ZNF609: variants seen among roughly 807,000 people sequenced by gnomAD.
ZNF609 encodes zinc finger protein 609.
In ZNF609, 11 loss-of-function variants were observed where a neutral mutation model predicts 109.5. The observed-to-expected ratio is 0.10, with a 90% CI of 0.06 to 0.17. The LOEUF is 0.17. ZNF609 is among the 10% of genes least tolerant of loss of function. The probability of loss-of-function intolerance (pLI) is 1.00; values close to 1 mark genes in which losing one functional copy is unlikely to be tolerated. For missense variants in ZNF609, 1,559 were observed against 1,772.4 expected (o/e 0.88, Z 2.16); for synonymous variants, 646 against 662.0 (o/e 0.98, Z 0.37).
At chr15:64,590,500 G>C (rs896855056) in intron 2 of ZNF609, among the ~76,000 whole-genome samples, 3 of 152,024 alleles carry the variant, frequency 2.0e-5, no homozygotes, top group African/African-American at 4.8e-5. Context: ...TTTTGTGTTA[G>C]TAGAGTTGGG....
Position 64,674,340 on chromosome 15 carries a change from G to A in ZNF609, c.1486G>A (p.Asp496Asn), listed in dbSNP as rs776613450. The change falls in exon 5 of 10, where the codon GAC becomes AAC. Residue 496 changes from aspartate (D) to asparagine (N), a missense_variant. This residue lies in a region of ZNF609 where 1,204 missense variants were observed against 1,314.1 expected (regional missense o/e 0.92). Transcript: ENST00000326648. ...AAACTGCCCCTCCCCCGTCCTAATT[G>A]ACTGTCCCCACCCAAACTGCAACAA... Reference protein sequence around the residue: ...DRNCPSPVLIDCPHPNCNKKY... With the variant: ...DRNCPSPVLINCPHPNCNKKY... The A allele has an allele frequency of 3.1e-6, 5 of 1,613,866 alleles. No homozygotes were observed. The highest frequency in any genetic ancestry group is 4.2e-6 in the Non-Finnish European group (5 of 1,180,018).
chr15:64,482,254 C>CT (rs990842394), intron 1 of ZNF609, among the ~76,000 whole-genome samples: 13 of 152,086 alleles, frequency 8.5e-5, no homozygotes, highest in Non-Finnish European at 1.5e-4. Flanking sequence ...AGATGCTTAA[C>CT]TTTTTTTAAA....
intron 1 of ZNF609, among the ~76,000 whole-genome samples, chr15:64,463,371 C>T (rs1050268948): frequency 6.7e-6 from 1 of 150,242 alleles, no homozygotes; most frequent in African/African-American, 2.5e-5. Flanking sequence ...TGTACTCCAG[C>T]CTGGGTGATA....
In ZNF609 at chr15:64,500,390, T is replaced by C. The variant is rs1268871223; in HGVS notation, c.747+224T>C. 1.2e-5 allele frequency: 9 copies of C among 755,634 alleles called. No individual in the cohort carries two copies. The South Asian group carries it at 1.3e-4, about 11-fold the overall frequency. 46.8% of individuals were successfully genotyped at this position (755,634 alleles called of 1,614,324 possible). ...CCTGGACATTGTGGAACAGGATATT[T>C]GTTGTTGGGGGCAGCTACTTTGTAG... On this transcript the variant is annotated intron_variant, in intron 2 of 9. Transcript: ENST00000326648.
chr15:64,556,628 A>T (rs189422094), intron 2 of ZNF609, among the ~76,000 whole-genome samples: 3 of 152,306 alleles, frequency 2.0e-5, no homozygotes, highest in African/African-American at 7.2e-5. Flanking sequence ...CCTCCTAGCC[A>T]CTAAATACTT....
intron 3 of ZNF609, among the ~76,000 whole-genome samples, chr15:64,645,251 C>T (rs147456317): frequency 0.018 from 2,726 of 151,796 alleles, 32 homozygotes; most frequent in Non-Finnish European, 0.028. Flanking sequence ...CCACCATGCT[C>T]GGCTAATTTT....
chr15:64,614,234 C>CTT (rs749012449), intron 2 of ZNF609, among the ~76,000 whole-genome samples: 3 of 128,424 alleles, frequency 2.3e-5, no homozygotes, highest in African/African-American at 2.9e-5. Flanking sequence ...TTCTGTATTT[C>CTT]TTTTTTTTTT....
chr15:64,569,373 G>A (rs948696146), intron 2 of ZNF609, among the ~76,000 whole-genome samples: 2 of 152,178 alleles, frequency 1.3e-5, no homozygotes, highest in African/African-American at 4.8e-5. Context: ...GACACATAGA[G>A]GATGCCTAAT....
chr15:64,644,079 G>A (rs1269687414), intron 3 of ZNF609, among the ~76,000 whole-genome samples: 1 of 151,670 alleles, frequency 6.6e-6, no homozygotes, highest in East Asian at 1.9e-4. Context: ...ACTCTAACCT[G>A]GGCAACAGAG....
At chr15:64,621,282 A>G (rs1895871633) in intron 2 of ZNF609, among the ~76,000 whole-genome samples, 1 of 152,208 alleles carries the variant, frequency 6.6e-6, no homozygotes, top group Non-Finnish European at 1.5e-5. Flanking sequence ...ACTCGAGCAT[A>G]ATAGACTTTG....
chr15:64,529,846 T>G (rs1894032352), intron 2 of ZNF609, among the ~76,000 whole-genome samples: 1 of 152,222 alleles, frequency 6.6e-6, no homozygotes, highest in Admixed American at 6.5e-5. Context: ...TTCTCCTGCC[T>G]CAGCCTCCTG....
chr15:64,529,617 G>A (rs1004916816), intron 2 of ZNF609: 182 of 1,079,982 alleles, frequency 1.7e-4, no homozygotes, highest in Non-Finnish European at 2.2e-4. Context: ...CAGTCATGGT[G>A]CACCAGGCAC....
intron 2 of ZNF609, among the ~76,000 whole-genome samples, chr15:64,536,654 A>C (rs1595710643): frequency 6.6e-6 from 1 of 151,122 alleles, no homozygotes; most frequent in South Asian, 2.1e-4. Flanking sequence ...AGGCAGGAGG[A>C]TCACTAGAGC....
At chr15:64,464,192 C>T (rs1165008193) in intron 1 of ZNF609, among the ~76,000 whole-genome samples, 1 of 152,156 alleles carries the variant, frequency 6.6e-6, no homozygotes, top group African/African-American at 2.4e-5. Context: ...AACTAAATGA[C>T]TGGAACACGA....
intron 1 of ZNF609, among the ~76,000 whole-genome samples, chr15:64,494,432 A>G (rs540458196): frequency 1.3e-5 from 2 of 152,258 alleles, no homozygotes; most frequent in African/African-American, 2.4e-5. Flanking sequence ...CCTGAGTTAA[A>G]TATCTGTCTT....
At chr15:64,556,469 C>T (rs1387092562) in intron 2 of ZNF609, among the ~76,000 whole-genome samples, 1 of 150,168 alleles carries the variant, frequency 6.7e-6, no homozygotes, top group Non-Finnish European at 1.5e-5. Context: ...ATTCTAAATG[C>T]TTCATATATA....
At chr15:64,680,517 C>T (rs1344514620) in intron 7 of ZNF609, 129 bp from the exon 8 acceptor site, 5 of 1,277,418 alleles carry the variant, frequency 3.9e-6, no homozygotes, top group African/African-American at 3.0e-5. Flanking sequence ...TCTTAGGTAT[C>T]TTGCACTTTT....
intron 2 of ZNF609, among the ~76,000 whole-genome samples, chr15:64,604,802 A>AT (rs1895567060): frequency 2.0e-5 from 3 of 151,564 alleles, no homozygotes; most frequent in African/African-American, 7.3e-5. Flanking sequence ...GCTTTATTTA[A>AT]TTTAATTTAT....
At chr15:64,461,228 C>T (rs911383958) in intron 1 of ZNF609, among the ~76,000 whole-genome samples, 1 of 16,066 alleles carries the variant, frequency 6.2e-5, no homozygotes, top group African/African-American at 2.8e-4. Flanking sequence ...GGAGGGGGGG[C>T]GGGGGCGGTG....
Sources: gnomAD v4.1 joint callset for allele counts (sites outside exome capture counted in the v4.1 genomes callset) on GRCh38, gnomAD v4.1.1 for gene constraint, gnomAD v4.1.1 regional missense constraint, MANE v1.5 for transcripts, NCBI Gene and HGNC (gene_info 2026-07-23, HGNC 2026-07-21) for gene names.